Variants in ROBO1 observed in about 807,000 individuals in gnomAD.
ROBO1 encodes the protein roundabout homolog 1.
Under a neutral mutation model 195.9 loss-of-function variants are expected in ROBO1, and 149 were observed. The observed-to-expected ratio is 0.76, with a 90% CI of 0.67 to 0.87. ROBO1 has a LOEUF of 0.87. Among genes scored for constraint, ROBO1 ranks in the 40% least tolerant of loss-of-function variants. The pLI, the probability that ROBO1 is intolerant of heterozygous loss-of-function variation, is 0.00. For missense variants in ROBO1, 1,933 were observed against 2,068.3 expected (o/e 0.93, Z 1.27); for synonymous variants, 816 against 733.2 (o/e 1.11, Z -1.82).
In ROBO1 at chr3:78,636,007, T is replaced by C. The variant is rs566394647; in HGVS notation, c.3139A>G (p.Ile1047Val). 5 of 1,613,898 alleles carry C rather than the reference T, an allele frequency of 3.1e-6. No homozygotes were observed. The highest frequency in any genetic ancestry group is 4.2e-6 in the Non-Finnish European group (5 of 1,179,834). ...CTATTGAAGGTTTTCATCTCATTGATTTTGTTACTAAGGTCCACATCACCA... is the reference window on the plus strand; with the variant it reads ...CTATTGAAGGTTTTCATCTCATTGACTTTGTTACTAAGGTCCACATCACCA... ...VYGDVDLSNK[I>V]NEMKTFNSPN... The change falls in exon 23 of 31, where the codon ATC (isoleucine) becomes GTC (valine). Residue 1047 changes from isoleucine (I) to valine (V), a missense_variant. Transcript: ENST00000464233.
chr3:79,127,652 T>C (rs2108578066), intron 2 of ROBO1, among the ~76,000 whole-genome samples: 1 of 152,334 alleles, frequency 6.6e-6, no homozygotes, highest in South Asian at 2.1e-4. Flanking sequence ...GAGGTTTGTG[T>C]ACTTTTGTTA....
At chr3:78,845,105 T>C (rs373109582) in intron 4 of ROBO1, among the ~76,000 whole-genome samples, 2 of 152,112 alleles carry the variant, frequency 1.3e-5, no homozygotes, top group Admixed American at 1.3e-4. Flanking sequence ...AGTGTGCATG[T>C]ATCCTATCCT....
intron 2 of ROBO1, among the ~76,000 whole-genome samples, chr3:79,565,403 A>G (rs1943058565): frequency 6.6e-6 from 1 of 152,046 alleles, no homozygotes; most frequent in Non-Finnish European, 1.5e-5. Context: ...ATACTGTATT[A>G]CTATTTGAAA....
intron 3 of ROBO1, among the ~76,000 whole-genome samples, chr3:79,006,804 C>A (rs2077634869): frequency 6.8e-6 from 1 of 148,134 alleles, no homozygotes; most frequent in African/African-American, 2.5e-5. Flanking sequence ...TATTGTGAGA[C>A]TGTGACTTTA....
chr3:78,846,813 CT>C (rs1318949608), intron 4 of ROBO1, among the ~76,000 whole-genome samples: 1 of 152,042 alleles, frequency 6.6e-6, no homozygotes, highest in East Asian at 1.9e-4. Context: ...TTTAAAGAAC[CT>C]TTCTGTGGTT....
At chr3:79,756,056 A>G (rs1704376646) in intron 1 of ROBO1, among the ~76,000 whole-genome samples, 1 of 152,192 alleles carries the variant, frequency 6.6e-6, no homozygotes, top group South Asian at 2.1e-4. Context: ...ATTCACTGTT[A>G]AATATTTTAT....
At chr3:78,988,638 G>T (rs1388702269) in intron 3 of ROBO1, among the ~76,000 whole-genome samples, 2 of 152,138 alleles carry the variant, frequency 1.3e-5, no homozygotes, top group Non-Finnish European at 2.9e-5. Context: ...ATCCTTTGGT[G>T]CATTATTTCT....
At chr3:78,950,436 T>G (rs1409148587) in intron 3 of ROBO1, among the ~76,000 whole-genome samples, 2 of 142,246 alleles carry the variant, frequency 1.4e-5, no homozygotes, top group East Asian at 4.2e-4. Context: ...CCGCATGTTC[T>G]CACTCATAGG....
chr3:79,700,498 T>C (rs189511264), intron 1 of ROBO1, among the ~76,000 whole-genome samples: 102 of 151,916 alleles, frequency 6.7e-4, no homozygotes, highest in African/African-American at 2.4e-3. Context: ...CCACAAACAA[T>C]GTAAAAGTGT....
chr3:79,433,322 A>T (rs904227904), intron 2 of ROBO1, among the ~76,000 whole-genome samples: 2 of 152,162 alleles, frequency 1.3e-5, no homozygotes, highest in African/African-American at 4.8e-5. Flanking sequence ...GAATAATGGC[A>T]TCCAGCTCCA....
intron 10 of ROBO1, among the ~76,000 whole-genome samples, chr3:78,681,426 G>C (rs1433404407): frequency 1.3e-5 from 2 of 152,184 alleles, no homozygotes; most frequent in Admixed American, 6.5e-5. Flanking sequence ...CATAGGTCCT[G>C]CCTTCATGGA....
chr3:79,108,676 A>C (rs1241448402), intron 3 of ROBO1, among the ~76,000 whole-genome samples: 1 of 151,822 alleles, frequency 6.6e-6, no homozygotes, highest in Non-Finnish European at 1.5e-5. Flanking sequence ...AGGGTGCCCT[A>C]ACTCTGGTTG....
chr3:79,273,759 G>A (rs1381761184), intron 2 of ROBO1, among the ~76,000 whole-genome samples: 1 of 135,062 alleles, frequency 7.4e-6, no homozygotes, highest in African/African-American at 3.1e-5. Flanking sequence ...TTATCAACAA[G>A]AAGCACATTT....
At chr3:78,796,625 T>C (rs911137182) in intron 4 of ROBO1, among the ~76,000 whole-genome samples, 1 of 152,060 alleles carries the variant, frequency 6.6e-6, no homozygotes, top group Non-Finnish European at 1.5e-5. Context: ...CCACATCCTG[T>C]TCTCTACCAA....
At chr3:78,911,639 C>A (rs2038246963) in intron 4 of ROBO1, among the ~76,000 whole-genome samples, 1 of 152,004 alleles carries the variant, frequency 6.6e-6, no homozygotes, top group African/African-American at 2.4e-5. Context: ...GACCTTTAAC[C>A]TGAACTTGCC....
chr3:79,390,174 G>C (rs1181447772), intron 2 of ROBO1, among the ~76,000 whole-genome samples: 1 of 152,062 alleles, frequency 6.6e-6, no homozygotes, highest in East Asian at 1.9e-4. Context: ...GACAAGGGGA[G>C]GACCAGACTG....
chr3:78,756,609 C>T (rs561148881), intron 4 of ROBO1, among the ~76,000 whole-genome samples: 52 of 152,180 alleles, frequency 3.4e-4, no homozygotes, highest in South Asian at 3.1e-3. Flanking sequence ...GCTTTCAGGG[C>T]ACTTATTTCA....
intron 2 of ROBO1, among the ~76,000 whole-genome samples, chr3:79,207,316 T>C (rs1355324032): frequency 6.6e-6 from 1 of 152,084 alleles, no homozygotes; most frequent in Non-Finnish European, 1.5e-5. Context: ...TGCCTCTTAT[T>C]TGTCAACCTT....
At chr3:79,323,658 A>T (rs2034083825) in intron 2 of ROBO1, among the ~76,000 whole-genome samples, 1 of 152,192 alleles carries the variant, frequency 6.6e-6, no homozygotes, top group Non-Finnish European at 1.5e-5. Flanking sequence ...AGAACTGACC[A>T]TCATTTACTT....
Sources: allele counts gnomAD v4.1 joint callset (sites outside exome capture counted in the v4.1 genomes callset), GRCh38; gene constraint gnomAD v4.1.1; transcripts MANE v1.5; gene names NCBI Gene and HGNC (gene_info 2026-07-23, HGNC 2026-07-21).